Variants in NEK7 observed in about 807,000 individuals in gnomAD.
The protein encoded by NEK7 is serine/threonine-protein kinase Nek7.
NEK7 carries 18 observed loss-of-function variants against 44.6 expected under a neutral mutation model. The ratio of observed to expected loss-of-function variants is 0.40; its 90% CI spans 0.28 to 0.60. The LOEUF is 0.60. Ranked by LOEUF, NEK7 falls within the 20% of genes least tolerant of loss-of-function variation. The probability of loss-of-function intolerance (pLI) is 0.38; values close to 1 mark genes in which losing one functional copy is unlikely to be tolerated. For missense variants in NEK7, 256 were observed against 366.5 expected, an observed-to-expected ratio of 0.70 and a Z score of 2.46; for synonymous variants, 130 against 121.1, an observed-to-expected ratio of 1.07 and a Z score of -0.48.
intron 7 of NEK7, among the ~76,000 whole-genome samples, chr1:198,285,834 CTTGT>C (rs894885559): frequency 3.3e-5 from 5 of 151,810 alleles, no homozygotes; most frequent in Non-Finnish European, 1.5e-5. Flanking sequence ...CCTTTTTCTA[CTTGT>C]TTATTTTTGT....
chr1:198,315,666 C>T (rs1042630744), intron 9 of NEK7, among the ~76,000 whole-genome samples: 1 of 152,002 alleles, frequency 6.6e-6, no homozygotes. Context: ...GAGCCTGAGA[C>T]CAATAGGACT....
At chr1:198,283,090 T>C (rs2102989843) in intron 7 of NEK7, among the ~76,000 whole-genome samples, 1 of 152,234 alleles carries the variant, frequency 6.6e-6, no homozygotes, top group Admixed American at 6.5e-5. Flanking sequence ...GAAGAGCATT[T>C]CATACAAAAG....
intron 2 of NEK7, among the ~76,000 whole-genome samples, chr1:198,238,901 G>T (rs1328293290): frequency 6.6e-6 from 1 of 152,146 alleles, no homozygotes; most frequent in Non-Finnish European, 1.5e-5. Context: ...TCTGTTCAAG[G>T]TTACACTTTT....
intron 9 of NEK7, among the ~76,000 whole-genome samples, chr1:198,315,115 G>A (rs1401918097): frequency 6.6e-6 from 1 of 152,228 alleles, no homozygotes; most frequent in African/African-American, 2.4e-5. Flanking sequence ...CTCCGAGCCA[G>A]ATGCGGGATA....
chr1:198,278,977 A>G lies in NEK7; in HGVS notation c.505A>G (p.Ile169Val), dbSNP rs1026244811. 1.9e-6 allele frequency: 3 copies of G among 1,608,394 alleles called. No homozygotes were observed. The African/African-American group carries it at 4.0e-5, about 22-fold the overall frequency. ...HRDIKPANVF[I>V]TATGVVKLGD... The stretch of plus-strand genomic sequence containing the variant: ...AGATATAAAACCAGCTAATGTGTTC[A>G]TTACAGCCACTGGGGTGGTAAAACT... Residue 169 changes from isoleucine (I) to valine (V), a missense_variant, in exon 7 of 10, where the codon ATT becomes GTT. Coordinates refer to ENST00000367385, the MANE Select transcript of NEK7 (RefSeq NM_133494.3).
chr1:198,246,000 C>G (rs1666825025), intron 2 of NEK7, among the ~76,000 whole-genome samples: 1 of 152,120 alleles, frequency 6.6e-6, no homozygotes, highest in African/African-American at 2.4e-5. Context: ...GAGAATATAG[C>G]TATTTCCTAA....
intron 1 of NEK7, among the ~76,000 whole-genome samples, chr1:198,230,154 C>G (rs1666343994): frequency 6.6e-6 from 1 of 152,068 alleles, no homozygotes; most frequent in South Asian, 2.1e-4. Flanking sequence ...GGTCTTTGAC[C>G]AGGAAACTTT....
At chr1:198,312,355 G>A (rs940965575) in intron 9 of NEK7, among the ~76,000 whole-genome samples, 52 of 150,654 alleles carry the variant, frequency 3.5e-4, no homozygotes, top group Non-Finnish European at 6.5e-4. Flanking sequence ...CTTGCTAGCA[G>A]TCTATCAATT....
At chr1:198,272,953 G>T (rs919742968) in intron 5 of NEK7, among the ~76,000 whole-genome samples, 1 of 151,570 alleles carries the variant, frequency 6.6e-6, no homozygotes, top group Admixed American at 6.6e-5. Context: ...TTCCCTCAAG[G>T]TGTAATTGCT....
In NEK7 at chr1:198,274,221, C is replaced by A. The variant is rs558491125; in HGVS notation, c.373-3740C>A. Among the ~76,000 whole-genome samples, 3 of 146,258 alleles carry A rather than the reference C, an allele frequency of 2.1e-5. No homozygotes were observed. The South Asian group carries it at 6.4e-4, about 31-fold the overall frequency. ...AATTAACATTTTTCCTAATCCTCTT[C>A]AAAAACACCTTGCACACCAGGATTG... On this transcript the variant is annotated intron_variant, in intron 5 of 9. Transcript: ENST00000367385.
chr1:198,238,887 G>A (rs10494763), intron 2 of NEK7, among the ~76,000 whole-genome samples: 51,097 of 151,968 alleles, frequency 0.34, 9,825 homozygotes, highest in East Asian at 0.8. Context: ...GAAATTTATC[G>A]TATTCTGTTC....
intron 3 of NEK7, among the ~76,000 whole-genome samples, chr1:198,260,023 A>G (rs948809766): frequency 5.9e-5 from 9 of 152,182 alleles, no homozygotes; most frequent in African/African-American, 2.2e-4. Context: ...AAGGACTGCA[A>G]GATGGTTTTC....
At chr1:198,295,636 T>A (rs1188572737) in intron 8 of NEK7, among the ~76,000 whole-genome samples, 3 of 151,666 alleles carry the variant, frequency 2.0e-5, no homozygotes, top group East Asian at 1.9e-4. Context: ...TTTTTTTTTT[T>A]AACACTCTGC....
At chr1:198,285,750 T>C (rs1019298732) in intron 7 of NEK7, among the ~76,000 whole-genome samples, 1 of 152,142 alleles carries the variant, frequency 6.6e-6, no homozygotes, top group African/African-American at 2.4e-5. Context: ...AAATAATGAA[T>C]ATGAGTATTG....
intron 1 of NEK7, among the ~76,000 whole-genome samples, chr1:198,202,614 C>T (rs1341166955): frequency 5.3e-5 from 8 of 152,170 alleles, no homozygotes; most frequent in Admixed American, 3.9e-4. Context: ...CATAGTTTCA[C>T]GTGGCTAGGG....
At chr1:198,173,690 C>T (rs966458355) in intron 1 of NEK7, among the ~76,000 whole-genome samples, 1 of 151,824 alleles carries the variant, frequency 6.6e-6, no homozygotes, top group Non-Finnish European at 1.5e-5. Flanking sequence ...TTTCTGAAAA[C>T]AAAATTTAAC....
At chr1:198,189,125 A>T (rs1025909958) in intron 1 of NEK7, among the ~76,000 whole-genome samples, 1 of 152,218 alleles carries the variant, frequency 6.6e-6, no homozygotes, top group Non-Finnish European at 1.5e-5. Flanking sequence ...GTTAAAATTT[A>T]GTTCAGTTTA....
chr1:198,278,562 A>T (rs1481854104), intron 6 of NEK7, among the ~76,000 whole-genome samples: 1 of 151,890 alleles, frequency 6.6e-6, no homozygotes, highest in East Asian at 1.9e-4. Context: ...TATGTGCCTT[A>T]TAGTGTTGTC....
intron 1 of NEK7, among the ~76,000 whole-genome samples, chr1:198,216,997 A>G (rs1665940364): frequency 6.6e-6 from 1 of 152,042 alleles, no homozygotes; most frequent in South Asian, 2.1e-4. Context: ...AGGGCCACAT[A>G]GATTCACAGC....
Sources: allele counts gnomAD v4.1 joint callset (sites outside exome capture counted in the v4.1 genomes callset), GRCh38; gene constraint gnomAD v4.1.1; transcripts MANE v1.5; gene names NCBI Gene and HGNC (gene_info 2026-07-23, HGNC 2026-07-21).